Variants in CAMKMT observed in about 807,000 individuals in gnomAD.
CAMKMT encodes CaM KMT.
A neutral mutation model predicts 48.0 loss-of-function variants in CAMKMT; 53 were observed. The ratio of observed to expected loss-of-function variants is 1.10; its 90% CI spans 0.89 to 1.39. The LOEUF is 1.39. Among genes scored for constraint, CAMKMT ranks in the 40% most tolerant of loss-of-function variants. The pLI is 0.00. For synonymous variants in CAMKMT, 165 were observed against 152.3 expected (o/e 1.08, Z -0.61); for missense variants, 428 against 402.7 (o/e 1.06, Z -0.54).
intron 10 of CAMKMT, among the ~76,000 whole-genome samples, chr2:44,768,361 A>ATATATATATTTTT (rs35058824): frequency 8.6e-6 from 1 of 115,744 alleles, no homozygotes; most frequent in African/African-American, 3.7e-5. Flanking sequence ...ATATATATAT[A>ATATATATATTTTT]TTTTTTTTTT....
intron 3 of CAMKMT, among the ~76,000 whole-genome samples, chr2:44,656,355 CT>C (rs200975524): frequency 4.0e-5 from 6 of 148,246 alleles, no homozygotes; most frequent in Admixed American, 6.8e-5. Flanking sequence ...GAATTTTTTT[CT>C]TTTTTTTTTA....
chr2:44,488,588 G>A (rs1223014450), intron 3 of CAMKMT, among the ~76,000 whole-genome samples: 2 of 152,026 alleles, frequency 1.3e-5, no homozygotes, highest in East Asian at 3.9e-4. Flanking sequence ...TGTGATCCCA[G>A]CTACACAGGA....
intron 8 of CAMKMT, among the ~76,000 whole-genome samples, chr2:44,744,937 C>T (rs1679856860): frequency 6.6e-6 from 1 of 152,108 alleles, no homozygotes; most frequent in Non-Finnish European, 1.5e-5. Context: ...GGATTTCTGA[C>T]TAATCAATGA....
At chr2:44,372,120 G>C (rs189813158) in intron 1 of CAMKMT, among the ~76,000 whole-genome samples, 2 of 152,216 alleles carry the variant, frequency 1.3e-5, no homozygotes, top group Admixed American at 6.5e-5. Flanking sequence ...TTTTAGAATT[G>C]ACACATATCC....
intron 3 of CAMKMT, among the ~76,000 whole-genome samples, chr2:44,603,086 T>A (rs1280144342): frequency 6.6e-6 from 1 of 151,892 alleles, no homozygotes; most frequent in Non-Finnish European, 1.5e-5. Flanking sequence ...ATATATGTGT[T>A]TATATATATC....
At chr2:44,672,867 A>G (rs1239049188) in intron 3 of CAMKMT, among the ~76,000 whole-genome samples, 2 of 152,242 alleles carry the variant, frequency 1.3e-5, no homozygotes, top group Admixed American at 1.3e-4. Flanking sequence ...GGTTAGATGA[A>G]TTCTATTTTT....
At chr2:44,494,897 A>G (rs1231116358) in intron 3 of CAMKMT, among the ~76,000 whole-genome samples, 1 of 152,236 alleles carries the variant, frequency 6.6e-6, no homozygotes, top group Non-Finnish European at 1.5e-5. Context: ...TGCTTAGCAC[A>G]TCCTCACTAG....
At chr2:44,473,894 C>A (rs1668548455) in intron 3 of CAMKMT, among the ~76,000 whole-genome samples, 1 of 152,232 alleles carries the variant, frequency 6.6e-6, no homozygotes, top group Admixed American at 6.5e-5. Flanking sequence ...TTTTACAAAC[C>A]TTTCAATCCG....
chr2:44,763,379 G>A (rs1680697269), intron 9 of CAMKMT, among the ~76,000 whole-genome samples: 1 of 152,138 alleles, frequency 6.6e-6, no homozygotes, highest in African/African-American at 2.4e-5. Context: ...AAAGGAATAA[G>A]CAATAGAACG....
rs929993724 is a variant in CAMKMT at position 44,485,512 on chromosome 2, A to G, written c.376+95207A>G. 2.2e-4 allele frequency among the ~76,000 whole-genome samples: 33 copies of G among 152,264 alleles called. No homozygotes were observed. The South Asian group carries it at 3.7e-3, about 17-fold the overall frequency. On this transcript the variant is annotated intron_variant, in intron 3 of 10. Transcript: ENST00000378494. The stretch of plus-strand genomic sequence containing the variant: ...GTTCTGAGAAATGTGTCCTTAGGCA[A>G]TTTTGTTGTGCGAACATCATAGAGT...
intron 3 of CAMKMT, among the ~76,000 whole-genome samples, chr2:44,468,088 A>G (rs1309998957): frequency 1.3e-5 from 2 of 152,226 alleles, no homozygotes; most frequent in African/African-American, 4.8e-5. Flanking sequence ...ATGGGAGACA[A>G]TATTTGCAAA....
chr2:44,687,304 T>A (rs189362298), intron 3 of CAMKMT, among the ~76,000 whole-genome samples: 195 of 152,362 alleles, frequency 1.3e-3, no homozygotes, highest in Non-Finnish European at 5.7e-4. Context: ...GTGCTTACCA[T>A]ATTGTTTTAC....
At chr2:44,564,501 G>T (rs1156683572) in intron 3 of CAMKMT, among the ~76,000 whole-genome samples, 1 of 151,686 alleles carries the variant, frequency 6.6e-6, no homozygotes, top group African/African-American at 2.4e-5. Context: ...GTGAATAAAG[G>T]CCTGCATTGC....
chr2:44,674,105 G>C (rs570066788), intron 3 of CAMKMT, among the ~76,000 whole-genome samples: 3 of 152,328 alleles, frequency 2.0e-5, no homozygotes, highest in South Asian at 2.1e-4. Context: ...CTTATTGTCT[G>C]ACAGGTCTCA....
At chr2:44,748,977 G>A (rs928481292) in intron 8 of CAMKMT, among the ~76,000 whole-genome samples, 1 of 152,308 alleles carries the variant, frequency 6.6e-6, no homozygotes, top group Middle Eastern at 3.4e-3. Flanking sequence ...TGGCAAGTTT[G>A]TGTAGCACTT....
intron 3 of CAMKMT, among the ~76,000 whole-genome samples, chr2:44,553,067 G>C (rs1667809277): frequency 6.6e-6 from 1 of 152,162 alleles, no homozygotes; most frequent in Non-Finnish European, 1.5e-5. Flanking sequence ...TTAAGTACTA[G>C]ATGTGTGCTA....
chr2:44,743,561 C>T, intron 7 of CAMKMT, 61 bp from the exon 8 acceptor site: 1 of 1,215,548 alleles, frequency 8.2e-7, no homozygotes, highest in Non-Finnish European at 1.2e-6. Flanking sequence ...ATGTTAATAG[C>T]TCAAAATCAA....
intron 7 of CAMKMT, among the ~76,000 whole-genome samples, chr2:44,720,850 ATTCTCTT>A (rs1265970573): frequency 6.6e-6 from 1 of 152,280 alleles, no homozygotes; most frequent in East Asian, 1.9e-4. Flanking sequence ...AAGAACAGGT[ATTCTCTT>A]TTTAAGTTTT....
rs117484862 is a variant in CAMKMT, at chr2:44,526,298, A to C, written c.376+135993A>C. On this transcript the variant is annotated intron_variant, in intron 3 of 10. Coordinates refer to ENST00000378494, the MANE Select transcript of CAMKMT (RefSeq NM_024766.5). ...ATAATGCTAAGAGCATTCACTAGTA[A>C]TTTCCTATTTTTATACATGTAGATA... Among the ~76,000 whole-genome samples the C allele has an allele frequency of 7.2e-5, 11 of 152,296 alleles. No individual in the cohort carries two copies. In the East Asian group the frequency reaches 2.1e-3, roughly 29 times the overall value.
Sources: gnomAD v4.1 joint callset for allele counts (sites outside exome capture counted in the v4.1 genomes callset) on GRCh38, gnomAD v4.1.1 for gene constraint, MANE v1.5 for transcripts, NCBI Gene and HGNC (gene_info 2026-07-23, HGNC 2026-07-21) for gene names.